NCOA7: variants seen among roughly 807,000 people sequenced by gnomAD.
NCOA7 encodes nuclear receptor coactivator 7.
Under a neutral mutation model 104.3 loss-of-function variants are expected in NCOA7, and 45 were observed. The ratio of observed to expected loss-of-function variants is 0.43; its 90% confidence interval spans 0.34 to 0.55. NCOA7 has a LOEUF of 0.55. Ranked by LOEUF, NCOA7 falls within the 20% of genes least tolerant of loss-of-function variation. The pLI is 0.02. For synonymous variants in NCOA7, 398 were observed against 402.3 expected (o/e 0.99, Z 0.13); for missense variants, 1,041 against 1,119.7 (o/e 0.93, Z 1.00).
intron 3 of NCOA7, among the ~76,000 whole-genome samples, chr6:125,866,049 G>T (rs1457537341): frequency 2.9e-5 from 4 of 136,724 alleles, no homozygotes; most frequent in Non-Finnish European, 6.2e-5. Context: ...ATAACTTTAG[G>T]CCGGGCACAG....
At chr6:125,888,599 T>C (rs188787682) in intron 8 of NCOA7, among the ~76,000 whole-genome samples, 478 of 152,340 alleles carry the variant, frequency 3.1e-3, no homozygotes, top group Middle Eastern at 0.02. Context: ...CTTTCCTTCA[T>C]GAAAGTCAGA....
At chr6:125,928,288 C>A (rs1788214208) in intron 15 of NCOA7, 41 bp downstream of exon 15, 2 of 1,552,010 alleles carry the variant, frequency 1.3e-6, no homozygotes, top group African/African-American at 2.8e-5. Context: ...TGTTATTTTA[C>A]CACCTGACCT....
intron 1 of NCOA7, among the ~76,000 whole-genome samples, chr6:125,795,029 A>C (rs1378281092): frequency 6.6e-6 from 1 of 152,224 alleles, no homozygotes. Context: ...AATTTAAAAG[A>C]TTGAGCTCCT....
rs375726266 is a variant in NCOA7, at chr6:125,781,330, G to A, written c.-183G>A. 5 of 152,202 alleles carry A rather than the reference G, an allele frequency of 3.3e-5. No homozygotes were observed. The South Asian group carries it at 6.2e-4, about 19-fold the overall frequency. 9.4% of individuals were successfully genotyped at this position (152,202 alleles called of 1,614,324 possible). ...AATGAACTTGCTCACAACATCCGCCGCCACTGTGACTTGCAGTCATCATCC... is the reference window on the plus strand; with the variant it reads ...AATGAACTTGCTCACAACATCCGCCACCACTGTGACTTGCAGTCATCATCC... On this transcript the variant is annotated 5_prime_UTR_variant, in exon 1 of 17. Coordinates refer to the NCOA7 transcript ENST00000368357.
chr6:125,864,290 T>G (rs1782266239), intron 3 of NCOA7, among the ~76,000 whole-genome samples: 1 of 137,414 alleles, frequency 7.3e-6, no homozygotes, highest in Admixed American at 6.9e-5. Flanking sequence ...AGTAAAAAAG[T>G]CGGTTGACAA....
chr6:125,854,806 A>G (rs74560021), intron 2 of NCOA7, among the ~76,000 whole-genome samples: 2 of 152,346 alleles, frequency 1.3e-5, no homozygotes, highest in Non-Finnish European at 2.9e-5. Flanking sequence ...AGTATTGACT[A>G]TATCAAGTTG....
chr6:125,886,662 A>G (rs1308434390), intron 8 of NCOA7, among the ~76,000 whole-genome samples: 1 of 152,220 alleles, frequency 6.6e-6, no homozygotes, highest in African/African-American at 2.4e-5. Flanking sequence ...TTTTTAGTCT[A>G]ATGAACAAGA....
At chr6:125,892,249 T>C (rs1487615031) in intron 10 of NCOA7, among the ~76,000 whole-genome samples, 1 of 152,206 alleles carries the variant, frequency 6.6e-6, no homozygotes, top group African/African-American at 2.4e-5. Flanking sequence ...TTGTGTTATC[T>C]TTGCTGCAAC....
intron 2 of NCOA7, among the ~76,000 whole-genome samples, chr6:125,828,443 G>A (rs899761657): frequency 1.5e-4 from 23 of 152,208 alleles, no homozygotes; most frequent in African/African-American, 5.6e-4. Flanking sequence ...TAAGGGAGTG[G>A]AGACCAAGCT....
chr6:125,886,019 C>G (rs1329782208), intron 8 of NCOA7, among the ~76,000 whole-genome samples: 1 of 152,124 alleles, frequency 6.6e-6, no homozygotes, highest in Non-Finnish European at 1.5e-5. Context: ...TACAGATAAT[C>G]TGATTTTTAC....
chr6:125,878,657 G>T (rs567623599), intron 5 of NCOA7, among the ~76,000 whole-genome samples: 19 of 152,050 alleles, frequency 1.2e-4, no homozygotes, highest in African/African-American at 4.6e-4. Context: ...TTACAGACAT[G>T]AGCCACTGCA....
At chr6:125,798,523 TAG>T (rs1218726905) in intron 1 of NCOA7, among the ~76,000 whole-genome samples, 5 of 152,212 alleles carry the variant, frequency 3.3e-5, no homozygotes, top group Non-Finnish European at 7.3e-5. Context: ...AATTCAACAG[TAG>T]AGTCATTTTT....
At chr6:125,877,198 C>T (rs769908795) in intron 4 of NCOA7, among the ~76,000 whole-genome samples, 17 of 151,970 alleles carry the variant, frequency 1.1e-4, no homozygotes, top group Non-Finnish European at 2.1e-4. Flanking sequence ...AATCTGTAAC[C>T]GTAACCTTTG....
chr6:125,805,087 CTTTTTTT>C (rs59737297), intron 1 of NCOA7, among the ~76,000 whole-genome samples: 33 of 58,042 alleles, frequency 5.7e-4, no homozygotes, highest in African/African-American at 1.8e-3. Context: ...CCCTCTTGTT[CTTTTTTT>C]TTTTTTTTTT....
At chr6:125,834,047 G>A (rs1384174687) in intron 2 of NCOA7, among the ~76,000 whole-genome samples, 1 of 151,558 alleles carries the variant, frequency 6.6e-6, no homozygotes, top group East Asian at 1.9e-4. Flanking sequence ...AAAACATTTG[G>A]TCGGTAGGAT....
At chr6:125,919,443 T>C (rs1426693289) in intron 11 of NCOA7, 1 of 1,612,250 alleles carries the variant, frequency 6.2e-7, no homozygotes, top group African/African-American at 1.3e-5. Flanking sequence ...TATGTTGGAG[T>C]GCGTCCCGAG....
At chr6:125,882,297 A>G (rs1489169249) in intron 6 of NCOA7, 129 bp from the exon 7 acceptor site, 11 of 842,532 alleles carry the variant, frequency 1.3e-5, no homozygotes, top group Non-Finnish European at 1.9e-5. Flanking sequence ...GACAGAGGAT[A>G]TTTGCCTTTT....
In NCOA7 at chr6:125,888,990, C is replaced by A. The variant is rs140645084; in HGVS notation, c.936C>A (p.Asp312Glu). 12 of 1,613,858 alleles carry A rather than the reference C, an allele frequency of 7.4e-6. No individual in the cohort carries two copies. The African/African-American group carries it at 1.5e-4, about 20-fold the overall frequency. The change falls in exon 9 of 16, where the codon GAC becomes GAA. Residue 312 changes from aspartate to glutamate, a missense_variant. Around this residue, in one of 2 missense-constraint regions of NCOA7, gnomAD observed 914 missense variants for 942.7 expected, o/e 0.97. Transcript: ENST00000392477. ...TGTACAGGCCTGGAGAATGGGAAGACCTGGCTTCAGAAAAGGATATCAACC... is the reference window on the plus strand; with the variant it reads ...TGTACAGGCCTGGAGAATGGGAAGAACTGGCTTCAGAAAAGGATATCAACC... ...CPLYRPGEWEDLASEKDINPF... is the reference protein window; with the variant it reads ...CPLYRPGEWEELASEKDINPF...
chr6:125,909,092 A>C (rs1786288375), intron 10 of NCOA7, among the ~76,000 whole-genome samples: 1 of 152,236 alleles, frequency 6.6e-6, no homozygotes, highest in Non-Finnish European at 1.5e-5. Flanking sequence ...GCCTAATGGA[A>C]AGTGGGTCCA....
Sources: allele counts gnomAD v4.1 joint callset (sites outside exome capture counted in the v4.1 genomes callset), GRCh38; gene constraint gnomAD v4.1.1; regional missense constraint gnomAD v4.1.1; transcripts MANE v1.5; gene names NCBI Gene and HGNC (gene_info 2026-07-23, HGNC 2026-07-21).